The following TRAF6 variants were observed in gnomAD, a reference collection of about 807,000 sequenced individuals.
The protein encoded by TRAF6 is TNF receptor-associated factor 6.
A neutral mutation model predicts 48.4 loss-of-function variants in TRAF6; 10 were observed. The ratio of observed to expected loss-of-function variants is 0.21; its 90% CI spans 0.13 to 0.35. The LOEUF is 0.35. Among genes scored for constraint, TRAF6 ranks in the 10% least tolerant of loss-of-function variants. The probability of loss-of-function intolerance (pLI) is 1.00; values close to 1 mark genes in which losing one functional copy is unlikely to be tolerated. For missense variants in TRAF6, 397 were observed against 661.0 expected, an observed-to-expected ratio of 0.60 and a Z score of 4.38; for synonymous variants, 186 against 219.6, an observed-to-expected ratio of 0.85 and a Z score of 1.35.
In TRAF6 at chr11:36,507,142, A is replaced by G. The variant is rs1434282866; in HGVS notation, c.-23+2906T>C. On this transcript the variant is annotated intron_variant, in intron 1 of 6. Transcript: ENST00000526995. ...ACATGTATTATACATACATAAATGT[A>G]TATATGTATATATACATGTATTATA... Among the ~76,000 whole-genome samples, 3 of 140,700 alleles carry G rather than the reference A, an allele frequency of 2.1e-5. 1 individual carries two copies. 92.3% of individuals were successfully genotyped at this position (140,700 alleles called of 152,430 possible).
chr11:36,490,667 A>T lies in TRAF6; in HGVS notation c.757-17T>A. The T allele has an allele frequency of 6.3e-7, 1 of 1,595,910 alleles. No individual in the cohort carries two copies. The highest frequency in any genetic ancestry group is 8.6e-7 in the Non-Finnish European group (1 of 1,168,870). The stretch of plus-strand genomic sequence containing the variant: ...CCTCTGCATCTAAAAATCAAGCACA[A>T]GCCTTAGGCTGGGAATAGATACCGT... On this transcript the variant is annotated splice_polypyrimidine_tract_variant and intron_variant, in intron 6 of 6. Transcript: ENST00000526995. The surrounding 1 kb of genome is among the most constrained non-coding windows in gnomAD (Gnocchi z 6.4).
intron 4 of TRAF6, among the ~76,000 whole-genome samples, chr11:36,495,479 T>C (rs1427812875): frequency 6.6e-6 from 1 of 152,220 alleles, no homozygotes; most frequent in Non-Finnish European, 1.5e-5. Context: ...GATTTGGTGC[T>C]CAGTTTCTCA....
At chr11:36,504,112 G>A (rs908573754) in intron 1 of TRAF6, among the ~76,000 whole-genome samples, 19 of 152,192 alleles carry the variant, frequency 1.2e-4, no homozygotes, top group Non-Finnish European at 1.6e-4. Flanking sequence ...AGGGTCCTGC[G>A]TCAATGTTGA....
intron 1 of TRAF6, among the ~76,000 whole-genome samples, chr11:36,508,947 T>C (rs551973196): frequency 1.6e-4 from 25 of 152,220 alleles, no homozygotes; most frequent in Non-Finnish European, 2.8e-4. Flanking sequence ...TTCTGAAATA[T>C]TGTGGTGCAT....
rs1859501263 is a variant in TRAF6 at position 36,487,448 on chromosome 11, C to T, written c.*2390G>A. 3 of 152,264 alleles carry T rather than the reference C, an allele frequency of 2.0e-5. 1 individual carries two copies. In the South Asian group the frequency reaches 6.2e-4, roughly 32 times the overall value. The allele number at this position is 152,264 out of a possible 1,614,324, so 9.4% of individuals were successfully genotyped here. ...AACTGGCTGGTTTATGACAAAATGC[C>T]AAATGTTGGGGGTTAAAATTGCTCA... On this transcript the variant is annotated 3_prime_UTR_variant, in exon 7 of 7. Coordinates refer to ENST00000526995, the MANE Select transcript of TRAF6 (RefSeq NM_004620.4).
At chr11:36,500,452 C>A (rs1006193791) in intron 2 of TRAF6, among the ~76,000 whole-genome samples, 5 of 152,136 alleles carry the variant, frequency 3.3e-5, no homozygotes, top group Non-Finnish European at 7.4e-5. Flanking sequence ...ACAAAGAGTG[C>A]AGCAGAAAAG....
intron 1 of TRAF6, chr11:36,501,799 A>G (rs1859720209): frequency 4.2e-6 from 1 of 240,020 alleles, no homozygotes; most frequent in South Asian, 1.6e-4. Flanking sequence ...GGGTCCCTTC[A>G]GAAGTTCATG....
rs1859462656 is a variant in TRAF6 at position 36,485,122 on chromosome 11, CT to C, written c.*4715del. Among the ~76,000 whole-genome samples the C allele has an allele frequency of 6.6e-6, 1 of 152,060 alleles. No homozygotes were observed. Among genetic ancestry groups the C allele is most frequent in the South Asian group, 2.1e-4 (1 of 4,836 alleles). ...ATAAAGCAAATGTAACATAATATTACTGCAGATTCTAGGTCGTAGATGTTCA... is the reference window on the plus strand; with the variant it reads ...ATAAAGCAAATGTAACATAATATTACGCAGATTCTAGGTCGTAGATGTTCA... On this transcript the variant is annotated 3_prime_UTR_variant, in exon 7 of 7. Transcript: ENST00000526995.
rs1245731967 is a variant in TRAF6 at position 36,489,632 on chromosome 11, G to C, written c.*206C>G. 1 of 611,254 alleles carries C rather than the reference G, an allele frequency of 1.6e-6. No individual in the cohort carries two copies. The highest frequency in any genetic ancestry group is 2.8e-5 in the East Asian group (1 of 35,374). 37.9% of individuals were successfully genotyped at this position (611,254 alleles called of 1,614,324 possible). ...CAGGCACTTCAGGCCTAACATTTCT[G>C]AAAAAGCATGGAACGTGTGGATTCC... On this transcript the variant is annotated 3_prime_UTR_variant, in exon 7 of 7. Coordinates refer to ENST00000526995, the MANE Select transcript of TRAF6 (RefSeq NM_004620.4).
Position 36,501,376 on chromosome 11 carries a change from C to G in TRAF6, c.140G>C (p.Ser47Thr). 6.2e-7 allele frequency: 1 copy of G among 1,614,034 alleles called. No individual in the cohort carries two copies. Among genetic ancestry groups the G allele is most frequent in the East Asian group, 2.2e-5 (1 of 44,882 alleles). ...GGTASTGNLS[S>T]SFMEEIQGYD... ...TCCCTGGATCTCCTCCATAAATGAGCTGGAGAGGTTCCCCGTGCTGGCAGT... is the reference window on the plus strand; with the variant it reads ...TCCCTGGATCTCCTCCATAAATGAGGTGGAGAGGTTCCCCGTGCTGGCAGT... The change falls in exon 2 of 7, where the codon AGC becomes ACC. Residue 47 changes from serine (S) to threonine (T), a missense_variant. Around this residue, in one of 4 missense-constraint regions of TRAF6, gnomAD observed 73 missense variants for 87.3 expected, o/e 0.84. Transcript: ENST00000526995.
rs913766986 is a variant in TRAF6 at position 36,489,311 on chromosome 11, A to G, written c.*527T>C. ...GGGTGAATGAGAACTTAAGTTTTCC[A>G]AGGATTATGGTTCAAATCCTCTGAA... On this transcript the variant is annotated 3_prime_UTR_variant, in exon 7 of 7. Coordinates refer to ENST00000526995, the MANE Select transcript of TRAF6 (RefSeq NM_004620.4). The G allele has an allele frequency of 6.5e-6, 1 of 153,584 alleles. No homozygotes were observed. The highest frequency in any genetic ancestry group is 1.5e-5 in the Non-Finnish European group (1 of 68,678). 9.5% of individuals were successfully genotyped at this position (153,584 alleles called of 1,614,324 possible). A position where few individuals can be genotyped will look rare whatever the true frequency, so the allele number is the denominator to read the frequency against.
intron 6 of TRAF6, 62 bp downstream of exon 6, chr11:36,492,489 C>T (rs1019210166): frequency 7.7e-7 from 1 of 1,292,054 alleles, no homozygotes; most frequent in African/African-American, 1.5e-5. Flanking sequence ...TTATTCTCCA[C>T]TACATGATGT....
chr11:36,498,941 C>A (rs1859678624), intron 2 of TRAF6, among the ~76,000 whole-genome samples: 1 of 152,204 alleles, frequency 6.6e-6, no homozygotes, highest in East Asian at 1.9e-4. Context: ...TTGATTGGTA[C>A]AAAATGAAGT....
At chr11:36,502,810 C>G (rs1412853211) in intron 1 of TRAF6, among the ~76,000 whole-genome samples, 1 of 152,104 alleles carries the variant, frequency 6.6e-6, no homozygotes, top group Non-Finnish European at 1.5e-5. Flanking sequence ...ATTATATAAC[C>G]TTTCTGTGCT....
At position 36,507,606 on chromosome 11, in the gene TRAF6, T is replaced by C. The variant is rs376655070; in HGVS notation, c.-23+2442A>G. 4.5e-3 allele frequency among the ~76,000 whole-genome samples: 39 copies of C among 8,584 alleles called. 10 individuals are homozygous for C. In the South Asian group the frequency reaches 0.15, roughly 34 times the overall value. 5.6% of individuals were successfully genotyped at this position (8,584 alleles called of 152,430 possible). ...ACACGCGCGTGTATATATGTATACATACACGCGCGTGTATATATGTATACA... is the reference window on the plus strand; with the variant it reads ...ACACGCGCGTGTATATATGTATACACACACGCGCGTGTATATATGTATACA... On this transcript the variant is annotated intron_variant, in intron 1 of 6. Coordinates refer to ENST00000526995, the MANE Select transcript of TRAF6 (RefSeq NM_004620.4).
intron 3 of TRAF6, 120 bp downstream of exon 3, chr11:36,498,369 AT>A: frequency 1.2e-6 from 1 of 839,794 alleles, no homozygotes. Context: ...TTCAGCAAGA[AT>A]TTATTAACCA....
At chr11:36,509,534 A>AT (rs1395603837) in intron 1 of TRAF6, among the ~76,000 whole-genome samples, 7 of 152,042 alleles carry the variant, frequency 4.6e-5, no homozygotes, top group Admixed American at 2.0e-4. Flanking sequence ...AACGTAAAGG[A>AT]TTTTTTAAAA....
Position 36,498,442 on chromosome 11 carries a change from G to A in TRAF6, c.447+48C>T, listed in dbSNP as rs769988729. ...ACACAGCAAAGTCCCTATTCTGTAG[G>A]AACTTCCTTTTATACATGTGCTAAC... On this transcript the variant is annotated intron_variant, in intron 3 of 6. Coordinates refer to ENST00000526995, the MANE Select transcript of TRAF6 (RefSeq NM_004620.4). 3.8e-6 allele frequency: 6 copies of A among 1,561,474 alleles called. No individual in the cohort carries two copies. The South Asian group carries it at 6.0e-5, about 16-fold the overall frequency.
chr11:36,500,117 A>G (rs1216990146), intron 2 of TRAF6, among the ~76,000 whole-genome samples: 2 of 152,220 alleles, frequency 1.3e-5, no homozygotes, highest in East Asian at 1.9e-4. Flanking sequence ...TTTGCTCTCA[A>G]GGAGCTTATC....
Sources: gnomAD v4.1 joint callset for allele counts (sites outside exome capture counted in the v4.1 genomes callset) on GRCh38, gnomAD v4.1.1 for gene constraint, gnomAD v4.1.1 regional missense constraint, Gnocchi (gnomAD v3.1) non-coding constraint, MANE v1.5 for transcripts, NCBI Gene and HGNC (gene_info 2026-07-23, HGNC 2026-07-21) for gene names.